The following MARCHF1 variants were observed in gnomAD, a reference collection of about 807,000 sequenced individuals.
The protein encoded by MARCHF1 is membrane associated ring-CH-type finger 1, also known as E3 ubiquitin-protein ligase MARCHF1.
In MARCHF1, 40 loss-of-function variants were observed where a neutral mutation model predicts 54.2. That is an observed-to-expected ratio of 0.74 (90% confidence interval 0.57 to 0.96). The LOEUF is 0.96. Ranked by LOEUF, MARCHF1 falls within the 40% of genes least tolerant of loss-of-function variation. The pLI, the probability that MARCHF1 is intolerant of heterozygous loss-of-function variation, is 0.00. For missense variants in MARCHF1, 586 were observed against 656.5 expected (o/e 0.89, Z 1.17); for synonymous variants, 236 against 236.3 (o/e 1.00, Z 0.01).
intron 1 of MARCHF1, among the ~76,000 whole-genome samples, chr4:164,130,971 T>A (rs1385506796): frequency 6.6e-6 from 1 of 152,182 alleles, no homozygotes; most frequent in East Asian, 1.9e-4. Flanking sequence ...TATCTGCCAT[T>A]TCTTTGTGAT....
chr4:163,663,091 T>A (rs1015159062), intron 5 of MARCHF1, among the ~76,000 whole-genome samples: 1 of 152,088 alleles, frequency 6.6e-6, no homozygotes, highest in African/African-American at 2.4e-5. Flanking sequence ...ACTCAGAGAA[T>A]TTGTTTTTTC....
intron 1 of MARCHF1, among the ~76,000 whole-genome samples, chr4:164,357,522 C>T (rs997259106): frequency 2.0e-5 from 3 of 152,080 alleles, no homozygotes; most frequent in African/African-American, 7.2e-5. Flanking sequence ...GTAACATGCA[C>T]AGGTTCAGCG....
chr4:163,613,139 G>A, intron 6 of MARCHF1, 101 bp from the exon 7 acceptor site: 2 of 1,268,054 alleles, frequency 1.6e-6, no homozygotes, highest in Non-Finnish European at 1.1e-6. Flanking sequence ...TGGACCAGAA[G>A]TAGATAAATA....
intron 1 of MARCHF1, among the ~76,000 whole-genome samples, chr4:164,326,362 G>A (rs747867817): frequency 6.6e-6 from 1 of 152,134 alleles, no homozygotes. Context: ...TATTCAAAAG[G>A]AAATTAAATT....
At chr4:164,049,766 T>C (rs1754319573) in intron 2 of MARCHF1, among the ~76,000 whole-genome samples, 1 of 152,212 alleles carries the variant, frequency 6.6e-6, no homozygotes, top group Non-Finnish European at 1.5e-5. Context: ...CACACATGTA[T>C]ACACACACAT....
chr4:163,777,687 A>G (rs1747343884), intron 4 of MARCHF1, among the ~76,000 whole-genome samples: 2 of 152,134 alleles, frequency 1.3e-5, no homozygotes, highest in African/African-American at 4.8e-5. Context: ...CACAAGAGTC[A>G]AGCCTACCCA....
At chr4:163,975,180 TCTCTCTCTCTCTCTCTCA>T (rs1320129100) in intron 3 of MARCHF1, among the ~76,000 whole-genome samples, 3,887 of 146,026 alleles carry the variant, frequency 0.027, 147 homozygotes, top group African/African-American at 0.092. Context: ...TCTCTCTCTC[TCTCTCTCTCTCTCTCTCA>T]CACACACACA....
At chr4:163,902,866 C>T (rs1454992469) in intron 3 of MARCHF1, among the ~76,000 whole-genome samples, 1 of 152,152 alleles carries the variant, frequency 6.6e-6, no homozygotes, top group African/African-American at 2.4e-5. Flanking sequence ...AAAACTAGAG[C>T]TGACTCCATC....
intron 2 of MARCHF1, among the ~76,000 whole-genome samples, chr4:164,110,235 G>T (rs1401781535): frequency 1.3e-5 from 2 of 151,066 alleles, no homozygotes; most frequent in Non-Finnish European, 3.0e-5. Context: ...GGAAAAACTC[G>T]ATTATTTCCT....
At chr4:163,781,693 G>T (rs1747470186) in intron 4 of MARCHF1, among the ~76,000 whole-genome samples, 1 of 152,190 alleles carries the variant, frequency 6.6e-6, no homozygotes, top group Admixed American at 6.5e-5. Context: ...AATTCCTGCA[G>T]ATCATTTTGT....
chr4:164,273,882 A>G (rs574252343), intron 1 of MARCHF1, among the ~76,000 whole-genome samples: 9 of 152,334 alleles, frequency 5.9e-5, no homozygotes, highest in African/African-American at 2.2e-4. Flanking sequence ...AAGAAAAAAA[A>G]GAATACAGGC....
intron 1 of MARCHF1, among the ~76,000 whole-genome samples, chr4:164,372,393 T>C (rs923882502): frequency 1.3e-5 from 2 of 152,176 alleles, no homozygotes; most frequent in African/African-American, 4.8e-5. Context: ...GCATATTACA[T>C]ATTTATTGAA....
chr4:164,232,494 A>G (rs1253144491), intron 1 of MARCHF1, among the ~76,000 whole-genome samples: 1 of 152,112 alleles, frequency 6.6e-6, no homozygotes, highest in Non-Finnish European at 1.5e-5. Flanking sequence ...CCAATAGCCA[A>G]AAATGCAAAT....
intron 2 of MARCHF1, among the ~76,000 whole-genome samples, chr4:164,085,758 C>T (rs149502533): frequency 3.7e-4 from 56 of 151,888 alleles, no homozygotes; most frequent in South Asian, 2.7e-3. Context: ...TGGTTTTTCA[C>T]AATATGTGTG....
chr4:163,658,810 G>A (rs1743242268), intron 5 of MARCHF1, among the ~76,000 whole-genome samples: 1 of 151,910 alleles, frequency 6.6e-6, no homozygotes, highest in South Asian at 2.1e-4. Context: ...TGTGGGAGGA[G>A]GGAGAACTTT....
intron 1 of MARCHF1, among the ~76,000 whole-genome samples, chr4:164,304,011 C>G (rs1401125460): frequency 1.3e-5 from 2 of 152,206 alleles, no homozygotes; most frequent in Non-Finnish European, 2.9e-5. Context: ...GCAATACCTT[C>G]CAAACAGACT....
In MARCHF1 at chr4:163,525,362, G is replaced by A. The variant is rs17576350; in HGVS notation, c.*3386C>T. On this transcript the variant is annotated 3_prime_UTR_variant, in exon 10 of 10. Coordinates refer to ENST00000514618, the MANE Select transcript of MARCHF1 (RefSeq NM_001394959.1). ...GACTATAATCACGTGTAGAAGCAGCGCAGAGTGAGATTTAATGCTGGGGTG... is the reference window on the plus strand; with the variant it reads ...GACTATAATCACGTGTAGAAGCAGCACAGAGTGAGATTTAATGCTGGGGTG... The A allele has an allele frequency of 0.12, 19,006 of 152,048 alleles. 1,305 individuals carry two copies. The highest frequency in any genetic ancestry group is 0.16 in the East Asian group (839 of 5,164). 9.4% of individuals were successfully genotyped at this position (152,048 alleles called of 1,614,324 possible). A position where few individuals can be genotyped will look rare whatever the true frequency, so the allele number is the denominator to read the frequency against.
intron 4 of MARCHF1, among the ~76,000 whole-genome samples, chr4:163,769,592 C>G (rs1561067723): frequency 6.6e-6 from 1 of 152,086 alleles, no homozygotes; most frequent in Non-Finnish European, 1.5e-5. Flanking sequence ...GTGATATTGC[C>G]ACCTTGAATA....
At chr4:163,813,828 G>A (rs562904421) in intron 4 of MARCHF1, among the ~76,000 whole-genome samples, 24 of 152,274 alleles carry the variant, frequency 1.6e-4, no homozygotes, top group Non-Finnish European at 3.4e-4. Flanking sequence ...GGGCTTGCAT[G>A]TCTGACATAA....
Sources: allele counts gnomAD v4.1 joint callset (sites outside exome capture counted in the v4.1 genomes callset), GRCh38; gene constraint gnomAD v4.1.1; transcripts MANE v1.5; gene names NCBI Gene and HGNC (gene_info 2026-07-23, HGNC 2026-07-21).